Variants in TNRC6C observed in about 807,000 individuals in gnomAD.
The protein encoded by TNRC6C is trinucleotide repeat-containing gene 6C protein.
A neutral mutation model predicts 153.7 loss-of-function variants in TNRC6C; 20 were observed. The observed-to-expected ratio is 0.13, with a 90% CI of 0.09 to 0.19. The LOEUF is 0.19. TNRC6C is among the 10% of genes least tolerant of loss of function. TNRC6C has a pLI of 1.00. For missense variants in TNRC6C, 1,987 were observed against 2,172.0 expected (o/e 0.91, Z 1.69); for synonymous variants, 811 against 841.4 (o/e 0.96, Z 0.63).
At position 78,064,578 on chromosome 17, in the gene TNRC6C, A is replaced by G. The variant is rs2072834640; in HGVS notation, c.2396-144A>G. 9.3e-6 allele frequency: 7 copies of G among 756,530 alleles called. No individual in the cohort carries two copies. In the East Asian group the frequency reaches 1.9e-4, roughly 20 times the overall value. The allele number at this position is 756,530 out of a possible 1,614,324, so 46.9% of individuals were successfully genotyped here. A position where few individuals can be genotyped will look rare whatever the true frequency, so the allele number is the denominator to read the frequency against. On this transcript the variant is annotated intron_variant, in intron 3 of 19. Coordinates refer to ENST00000301624, the Ensembl canonical transcript of TNRC6C. ...AAACAAATCTGATTACATGTAATACATTTGCCTCCTTTAAATTTTCTACTA... is the reference window on the plus strand; with the variant it reads ...AAACAAATCTGATTACATGTAATACGTTTGCCTCCTTTAAATTTTCTACTA...
intron 6 of TNRC6C, 129 bp from the exon 9 acceptor site, chr17:78,072,908 A>C (rs930967132): frequency 3.9e-5 from 24 of 619,384 alleles, no homozygotes; most frequent in Non-Finnish European, 8.5e-6. Flanking sequence ...TAACCTCAAC[A>C]GTGAAGAAAT....
At chr17:77,990,832 A>C (rs191691212) in intron 1 of TNRC6C, among the ~76,000 whole-genome samples, 60 of 152,308 alleles carry the variant, frequency 3.9e-4, no homozygotes, top group African/African-American at 1.4e-3. Flanking sequence ...GTTTTTACTC[A>C]GTAATTTCAT....
intron 6 of TNRC6C, 150 bp from the exon 9 acceptor site, chr17:78,072,887 G>A (rs2073022599): frequency 1.9e-6 from 1 of 519,982 alleles, no homozygotes; most frequent in Non-Finnish European, 3.4e-6. Flanking sequence ...TAATTCAAAA[G>A]ACATTGTCTC....
chr17:77,958,664 G>A (rs1174993046), upstream of TNRC6C, among the ~76,000 whole-genome samples: 1 of 151,854 alleles, frequency 6.6e-6, no homozygotes, highest in Non-Finnish European at 1.5e-5. Flanking sequence ...GGGCGCGAGC[G>A]CCCCGTCTGG....
chr17:78,008,470 C>T (rs2071562177), intron 1 of TNRC6C: 1 of 152,264 alleles, frequency 6.6e-6, no homozygotes, highest in Non-Finnish European at 1.5e-5. Context: ...CACGTTTTCT[C>T]TGCAGCCAGG....
intron 3 of TNRC6C, among the ~76,000 whole-genome samples, chr17:78,060,116 G>T (rs1567944566): frequency 6.6e-6 from 1 of 152,152 alleles, no homozygotes; most frequent in Admixed American, 6.5e-5. Flanking sequence ...CCTGACTTTG[G>T]AATGGAAGTG....
chr17:78,100,744 A>G (rs1428447487), intron 17 of TNRC6C, among the ~76,000 whole-genome samples: 1 of 146,986 alleles, frequency 6.8e-6, no homozygotes, highest in African/African-American at 2.5e-5. Flanking sequence ...ACCCAGCTTG[A>G]ATTTTTCCTC....
chr17:77,986,928 T>C (rs1292461035), intron 1 of TNRC6C, among the ~76,000 whole-genome samples: 1 of 152,166 alleles, frequency 6.6e-6, no homozygotes, highest in African/African-American at 2.4e-5. Flanking sequence ...AAGTATCATC[T>C]GTATAATAGA....
At chr17:78,019,885 C>T (rs1392381684) in intron 1 of TNRC6C, among the ~76,000 whole-genome samples, 2 of 152,074 alleles carry the variant, frequency 1.3e-5, no homozygotes, top group African/African-American at 4.8e-5. Context: ...GCTTTGATGC[C>T]CTGGTTTTTT....
upstream of TNRC6C, among the ~76,000 whole-genome samples, chr17:78,003,865 C>T (rs2071452481): frequency 6.6e-6 from 1 of 152,174 alleles, no homozygotes; most frequent in Non-Finnish European, 1.5e-5. Flanking sequence ...GTATTCGAGA[C>T]CAGACTAGGG....
chr17:77,994,411 G>A (rs921925709), intron 1 of TNRC6C, among the ~76,000 whole-genome samples: 1 of 152,140 alleles, frequency 6.6e-6, no homozygotes, highest in Non-Finnish European at 1.5e-5. Flanking sequence ...GGTCTTGTAT[G>A]CTCACCTGCT....
chr17:78,052,793 G>A (rs893813791), intron 3 of TNRC6C, among the ~76,000 whole-genome samples: 4 of 152,106 alleles, frequency 2.6e-5, no homozygotes, highest in Non-Finnish European at 5.9e-5. Context: ...GCCACATCAG[G>A]AATCCTTTAT....
upstream of TNRC6C, among the ~76,000 whole-genome samples, chr17:78,001,391 G>T (rs1191345539): frequency 1.3e-5 from 2 of 152,116 alleles, no homozygotes; most frequent in African/African-American, 4.8e-5. Flanking sequence ...AACACCAATC[G>T]AAGGGATGCT....
At chr17:78,094,217 G>A (rs1052778626) in intron 16 of TNRC6C, among the ~76,000 whole-genome samples, 1 of 151,342 alleles carries the variant, frequency 6.6e-6, no homozygotes, top group Admixed American at 6.6e-5. Flanking sequence ...CCTGACCTCA[G>A]GTGTCGCCCA....
exon 3 of TNRC6C, chr17:78,050,162 G>A (rs1002161956): frequency 1.3e-6 from 2 of 1,576,246 alleles, no homozygotes; most frequent in African/African-American, 1.3e-5. Flanking sequence ...GAGAGTCCTA[G>A]TGTCACCAGC....
At chr17:77,996,299 C>T (rs2071327630) in intron 1 of TNRC6C, among the ~76,000 whole-genome samples, 1 of 151,766 alleles carries the variant, frequency 6.6e-6, no homozygotes, top group African/African-American at 2.4e-5. Flanking sequence ...CAGTGGGAAG[C>T]AACTGTACAA....
chr17:78,034,097 A>G (rs530588040), intron 2 of TNRC6C, among the ~76,000 whole-genome samples: 179 of 152,030 alleles, frequency 1.2e-3, no homozygotes, highest in Non-Finnish European at 1.4e-3. Context: ...CTTGTTGCCC[A>G]GGCTGAAATG....
intron 7 of TNRC6C, among the ~76,000 whole-genome samples, 198 bp from the exon 10 acceptor site, chr17:78,074,938 A>T (rs2144338228): frequency 6.6e-6 from 1 of 152,326 alleles, no homozygotes; most frequent in Middle Eastern, 3.4e-3. Flanking sequence ...GCCAACCCCC[A>T]TCCCCTTGCC....
exon 20 of TNRC6C, chr17:78,107,152 G>A (rs530598046): frequency 2.6e-5 from 4 of 152,328 alleles, no homozygotes; most frequent in South Asian, 2.1e-4. Flanking sequence ...ACCACTTCCC[G>A]TGCTGCCGGC....
Sources: gnomAD v4.1 joint callset for allele counts (sites outside exome capture counted in the v4.1 genomes callset) on GRCh38, gnomAD v4.1.1 for gene constraint, MANE v1.5 for transcripts, NCBI Gene and HGNC (gene_info 2026-07-23, HGNC 2026-07-21) for gene names.